SLC4A4: variants seen among roughly 807,000 people sequenced by gnomAD.
SLC4A4 encodes solute carrier family 4 member 4, also known as electrogenic sodium bicarbonate cotransporter 1.
Under a neutral mutation model 111.5 loss-of-function variants are expected in SLC4A4, and 27 were observed. The observed-to-expected ratio is 0.24, with a 90% CI of 0.18 to 0.33. SLC4A4 has a LOEUF of 0.33. SLC4A4 is among the 10% of genes least tolerant of loss of function. The pLI is 1.00. For missense variants in SLC4A4, 909 were observed against 1,315.5 expected (o/e 0.69, Z 4.78); for synonymous variants, 443 against 463.4 (o/e 0.96, Z 0.57).
intron 7 of SLC4A4, among the ~76,000 whole-genome samples, chr4:71,409,411 G>T (rs1425176536): frequency 6.6e-6 from 1 of 152,206 alleles, no homozygotes; most frequent in Non-Finnish European, 1.5e-5. Context: ...AACTTGTTGG[G>T]AACTGGAACA....
intron 6 of SLC4A4, among the ~76,000 whole-genome samples, chr4:71,387,821 C>A (rs1393972324): frequency 6.6e-6 from 1 of 152,124 alleles, no homozygotes. Flanking sequence ...GATGCCTCAT[C>A]AAATCAGAGA....
chr4:71,404,763 T>C (rs1720688455), intron 7 of SLC4A4, among the ~76,000 whole-genome samples: 1 of 152,070 alleles, frequency 6.6e-6, no homozygotes, highest in Admixed American at 6.6e-5. Flanking sequence ...TTTTTAAAAC[T>C]TTATAGAAAT....
intron 2 of SLC4A4, among the ~76,000 whole-genome samples, chr4:71,097,282 T>C (rs1742585079): frequency 1.3e-5 from 2 of 152,150 alleles, no homozygotes; most frequent in Admixed American, 1.3e-4. Flanking sequence ...GTATTTGGTG[T>C]TTTTGTTCCT....
chr4:71,087,643 T>C (rs2148938328), intron 1 of SLC4A4, among the ~76,000 whole-genome samples: 1 of 152,220 alleles, frequency 6.6e-6, no homozygotes, highest in African/African-American at 2.4e-5. Flanking sequence ...TCTTTATTTC[T>C]GCCTTCATTT....
chr4:71,305,287 AG>A (rs140638956), intron 3 of SLC4A4, among the ~76,000 whole-genome samples: 4,003 of 152,320 alleles, frequency 0.026, 74 homozygotes, highest in Middle Eastern at 0.044. Context: ...TCTTACTAGC[AG>A]TGTAACCTTT....
At chr4:71,452,073 A>G (rs1253298293) in intron 11 of SLC4A4, among the ~76,000 whole-genome samples, 2 of 137,368 alleles carry the variant, frequency 1.5e-5, no homozygotes, top group African/African-American at 5.5e-5. Context: ...TTTTATGAAG[A>G]TATGGCTTTT....
intron 3 of SLC4A4, among the ~76,000 whole-genome samples, chr4:71,321,648 A>G (rs1727130273): frequency 6.6e-6 from 1 of 151,942 alleles, no homozygotes; most frequent in Non-Finnish European, 1.5e-5. Context: ...GTGTCATAAT[A>G]TGGCAGAAGG....
At chr4:71,145,315 T>C (rs1332718156) in intron 2 of SLC4A4, among the ~76,000 whole-genome samples, 2 of 152,192 alleles carry the variant, frequency 1.3e-5, no homozygotes, top group Non-Finnish European at 1.5e-5. Context: ...TCATGGTGGA[T>C]AAGCTTTTTG....
chr4:71,468,952 A>G (rs182596566), intron 13 of SLC4A4, among the ~76,000 whole-genome samples: 133 of 152,124 alleles, frequency 8.7e-4, no homozygotes, highest in East Asian at 2.3e-3. Context: ...ACTGGACTCA[A>G]ACTCTGCATA....
intron 2 of SLC4A4, among the ~76,000 whole-genome samples, chr4:71,142,761 C>CTTTTTTTTTTT (rs34495804): frequency 7.7e-5 from 6 of 78,038 alleles, no homozygotes; most frequent in East Asian, 3.9e-4. Flanking sequence ...TTTTCTCACT[C>CTTTTTTTTTTT]TTTTTTTTTT....
chr4:71,434,870 G>A (rs1723979496), intron 7 of SLC4A4, among the ~76,000 whole-genome samples: 1 of 152,124 alleles, frequency 6.6e-6, no homozygotes, highest in South Asian at 2.1e-4. Context: ...AAAGGGATGT[G>A]AAGGACCTCT....
At chr4:71,423,197 GACAA>G (rs1201610768) in intron 7 of SLC4A4, among the ~76,000 whole-genome samples, 2 of 152,086 alleles carry the variant, frequency 1.3e-5, no homozygotes, top group Admixed American at 6.6e-5. Flanking sequence ...ACCAATAACA[GACAA>G]ACAGAGAGCC....
At chr4:71,134,807 C>T (rs1743801267) in intron 2 of SLC4A4, among the ~76,000 whole-genome samples, 1 of 152,176 alleles carries the variant, frequency 6.6e-6, no homozygotes. Context: ...GGACCCCAGT[C>T]CTACTTCTTC....
At chr4:71,403,641 G>C (rs1720568016) in intron 7 of SLC4A4, among the ~76,000 whole-genome samples, 1 of 151,832 alleles carries the variant, frequency 6.6e-6, no homozygotes, top group African/African-American at 2.4e-5. Flanking sequence ...CAAGAAACAG[G>C]AAAAAAAATA....
chr4:71,521,521 A>C (rs2149193481), intron 16 of SLC4A4, among the ~76,000 whole-genome samples: 1 of 152,262 alleles, frequency 6.6e-6, no homozygotes, highest in South Asian at 2.1e-4. Flanking sequence ...GATCTTAGCC[A>C]CCACACATGG....
chr4:71,434,512 TC>T (rs1302081951), intron 7 of SLC4A4: 1 of 168,694 alleles, frequency 5.9e-6, no homozygotes, highest in Admixed American at 6.0e-5. Context: ...GTAGTACTAT[TC>T]TGTCCTAGGA....
At chr4:71,523,716 G>A (rs999007530) in intron 16 of SLC4A4, among the ~76,000 whole-genome samples, 16 of 152,018 alleles carry the variant, frequency 1.1e-4, no homozygotes, top group Admixed American at 2.0e-4. Flanking sequence ...GATTGTCTAA[G>A]TTATACATAT....
intron 3 of SLC4A4, among the ~76,000 whole-genome samples, chr4:71,288,929 C>A (rs1432207201): frequency 1.3e-5 from 2 of 151,834 alleles, no homozygotes; most frequent in African/African-American, 2.4e-5. Flanking sequence ...ATATGCATAA[C>A]CTTTGTATCT....
intron 18 of SLC4A4, among the ~76,000 whole-genome samples, chr4:71,536,457 C>CATACATATATATAT (rs1553928530): frequency 6.4e-5 from 2 of 31,406 alleles, no homozygotes; most frequent in Non-Finnish European, 1.3e-4. Flanking sequence ...TACATATATA[C>CATACATATATATAT]ATATATACAT....
Sources: gnomAD v4.1 joint callset for allele counts (sites outside exome capture counted in the v4.1 genomes callset) on GRCh38, gnomAD v4.1.1 for gene constraint, MANE v1.5 for transcripts, NCBI Gene and HGNC (gene_info 2026-07-23, HGNC 2026-07-21) for gene names.